Variants in SNTB1 observed in about 807,000 individuals in gnomAD.
SNTB1 encodes syntrophin beta 1.
SNTB1 carries 36 observed loss-of-function variants against 48.9 expected under a neutral mutation model. That is an observed-to-expected ratio of 0.74 (90% confidence interval 0.56 to 0.97). The LOEUF (loss-of-function observed/expected upper bound fraction) is 0.97. Among genes scored for constraint, SNTB1 ranks in the 50% least tolerant of loss-of-function variants. The pLI is 0.00. For missense variants in SNTB1, 786 were observed against 703.4 expected (o/e 1.12, Z -1.33); for synonymous variants, 299 against 294.6 (o/e 1.01, Z -0.15).
intron 3 of SNTB1, among the ~76,000 whole-genome samples, chr8:120,612,850 G>T (rs557872438): frequency 6.6e-6 from 1 of 152,126 alleles, no homozygotes; most frequent in Non-Finnish European, 1.5e-5. Flanking sequence ...ATCAAATTAG[G>T]GTATTTAGGA....
intron 1 of SNTB1, among the ~76,000 whole-genome samples, chr8:120,735,973 C>G (rs535739028): frequency 1.1e-3 from 162 of 152,182 alleles, no homozygotes; most frequent in Non-Finnish European, 2.0e-3. Context: ...AAGAATTCCC[C>G]GAGACTGGGT....
intron 4 of SNTB1, among the ~76,000 whole-genome samples, chr8:120,557,977 G>A (rs1815594614): frequency 6.6e-6 from 1 of 152,154 alleles, no homozygotes; most frequent in Admixed American, 6.5e-5. Context: ...ACACATTACT[G>A]TAGCCAGATT....
chr8:120,748,170 C>G (rs1819157462), intron 1 of SNTB1, among the ~76,000 whole-genome samples: 1 of 152,182 alleles, frequency 6.6e-6, no homozygotes, highest in South Asian at 2.1e-4. Context: ...TAGTTTGACT[C>G]TACTCAAATA....
intron 1 of SNTB1, among the ~76,000 whole-genome samples, chr8:120,788,232 T>A (rs1819960312): frequency 6.6e-6 from 1 of 152,156 alleles, no homozygotes; most frequent in Non-Finnish European, 1.5e-5. Flanking sequence ...AAAGGAGTTC[T>A]AAATCTTGAA....
chr8:120,685,617 T>G (rs1035170854), intron 2 of SNTB1, among the ~76,000 whole-genome samples: 1 of 152,218 alleles, frequency 6.6e-6, no homozygotes, highest in Non-Finnish European at 1.5e-5. Context: ...ATTGTCTTGA[T>G]GAATAAATAG....
intron 4 of SNTB1, 131 bp downstream of exon 4, chr8:120,574,955 G>T: frequency 9.5e-7 from 1 of 1,056,840 alleles, no homozygotes; most frequent in Non-Finnish European, 1.4e-6. Flanking sequence ...AAAAATGTGT[G>T]GCTATATTCT....
chr8:120,705,569 G>T (rs1818367072), intron 1 of SNTB1, among the ~76,000 whole-genome samples: 1 of 152,188 alleles, frequency 6.6e-6, no homozygotes, highest in Admixed American at 6.5e-5. Context: ...GTTTCAAGCA[G>T]AAACTGGATG....
At position 120,809,939 on chromosome 8, in the gene SNTB1, C is replaced by A. The variant is rs372168724; in HGVS notation, c.571+1334G>T. Among the ~76,000 whole-genome samples, 36 of 152,324 alleles carry A rather than the reference C, an allele frequency of 2.4e-4. No individual in the cohort carries two copies. The East Asian group carries it at 6.0e-3, about 25-fold the overall frequency. On this transcript the variant is annotated intron_variant, in intron 1 of 6. Transcript: ENST00000517992. Reference sequence around the variant, plus strand: ...CCAGGGAGTTGCATCAGCTGTCACACACTAGTGATGCTGGCACCCTTACTT... The same window carrying A: ...CCAGGGAGTTGCATCAGCTGTCACAAACTAGTGATGCTGGCACCCTTACTT...
chr8:120,617,938 C>T (rs1816741080), intron 3 of SNTB1, among the ~76,000 whole-genome samples: 1 of 152,174 alleles, frequency 6.6e-6, no homozygotes, highest in Admixed American at 6.5e-5. Flanking sequence ...GAAGGTACAA[C>T]TGCCTAAGGG....
chr8:120,674,059 G>A (rs1314673979), intron 2 of SNTB1, among the ~76,000 whole-genome samples: 1 of 152,146 alleles, frequency 6.6e-6, no homozygotes, highest in Non-Finnish European at 1.5e-5. Context: ...ACTGACCGAG[G>A]CAATCATTGT....
intron 1 of SNTB1, among the ~76,000 whole-genome samples, chr8:120,694,636 C>T (rs1818183260): frequency 6.6e-6 from 1 of 151,074 alleles, no homozygotes; most frequent in Non-Finnish European, 1.5e-5. Context: ...TGTGGAAAGA[C>T]CTGTAAGATC....
chr8:120,811,144 AC>A, intron 1 of SNTB1, 128 bp downstream of exon 1: 28 of 1,109,706 alleles, frequency 2.5e-5, no homozygotes, highest in Admixed American at 7.1e-5. Flanking sequence ...CCCCCCCCCA[AC>A]ACACACACAC....
At chr8:120,776,597 G>T (rs1587154029) in intron 1 of SNTB1, 1 of 152,132 alleles carries the variant, frequency 6.6e-6, no homozygotes. Flanking sequence ...TTTTGCAAAT[G>T]ACCCTTATTT....
At chr8:120,660,991 T>C (rs1410030847) in intron 2 of SNTB1, among the ~76,000 whole-genome samples, 3 of 152,144 alleles carry the variant, frequency 2.0e-5, no homozygotes, top group African/African-American at 4.8e-5. Flanking sequence ...TGGGTGTAGT[T>C]TGTGGTATCC....
intron 2 of SNTB1, among the ~76,000 whole-genome samples, chr8:120,640,606 C>T (rs1195299825): frequency 6.6e-6 from 1 of 152,108 alleles, no homozygotes; most frequent in East Asian, 1.9e-4. Flanking sequence ...TGAATTTTGC[C>T]AAAGGCCTTT....
chr8:120,550,855 T>G lies in SNTB1; in HGVS notation c.1137-1897A>C, dbSNP rs1367091003. On this transcript the variant is annotated intron_variant, in intron 4 of 6. Coordinates refer to ENST00000517992, the MANE Select transcript of SNTB1 (RefSeq NM_021021.4). ...TAAAAATTCATTAAGAAAAGGTATCTACAAGGAGCAAAAATGTATACTGTG... is the reference window on the plus strand; with the variant it reads ...TAAAAATTCATTAAGAAAAGGTATCGACAAGGAGCAAAAATGTATACTGTG... 3.3e-5 allele frequency among the ~76,000 whole-genome samples: 5 copies of G among 152,216 alleles called. No individual in the cohort carries two copies. The East Asian group carries it at 9.6e-4, about 29-fold the overall frequency.
At chr8:120,614,998 A>AAAAAAAC in intron 3 of SNTB1, among the ~76,000 whole-genome samples, 1 of 150,948 alleles carries the variant, frequency 6.6e-6, no homozygotes. Context: ...AAAAAAAAAA[A>AAAAAAAC]AAATTAGCCT....
intron 3 of SNTB1, among the ~76,000 whole-genome samples, chr8:120,584,040 G>C (rs975911554): frequency 6.6e-6 from 1 of 152,172 alleles, no homozygotes; most frequent in Non-Finnish European, 1.5e-5. Flanking sequence ...CAGGTCTGGC[G>C]TGGTGGCTCA....
chr8:120,539,019 T>C (rs1318772421), intron 6 of SNTB1, 50 bp from the exon 7 acceptor site: 35 of 1,401,446 alleles, frequency 2.5e-5, no homozygotes, highest in Non-Finnish European at 3.4e-5. Flanking sequence ...TAATGCTTGA[T>C]GTAGATGGGT....
Sources: gnomAD v4.1 joint callset for allele counts (sites outside exome capture counted in the v4.1 genomes callset) on GRCh38, gnomAD v4.1.1 for gene constraint, MANE v1.5 for transcripts, NCBI Gene and HGNC (gene_info 2026-07-23, HGNC 2026-07-21) for gene names.